Variants in RBBP5 observed in about 807,000 individuals in gnomAD.
RBBP5 encodes retinoblastoma-binding protein 5.
Under a neutral mutation model 72.2 loss-of-function variants are expected in RBBP5, and 5 were observed. That is an observed-to-expected ratio of 0.07 (90% confidence interval 0.04 to 0.15). The LOEUF is 0.15. RBBP5 is among the 10% of genes least tolerant of loss of function. The pLI, the probability that RBBP5 is intolerant of heterozygous loss-of-function variation, is 1.00. For synonymous variants in RBBP5, 209 were observed against 237.2 expected (o/e 0.88, Z 1.09); for missense variants, 322 against 652.2 (o/e 0.49, Z 5.51).
chr1:205,114,496 C>G (rs1656446143), intron 3 of RBBP5, among the ~76,000 whole-genome samples: 1 of 152,098 alleles, frequency 6.6e-6, no homozygotes, highest in Admixed American at 6.6e-5. Flanking sequence ...ACTTTTTATT[C>G]TAAATGAAAA....
chr1:205,092,606 C>T (rs1023391475), intron 13 of RBBP5, among the ~76,000 whole-genome samples: 4 of 152,074 alleles, frequency 2.6e-5, no homozygotes, highest in East Asian at 1.9e-4. Flanking sequence ...TGCACCACCA[C>T]GCCTGGCTAA....
At chr1:205,107,729 T>G (rs1459439694) in intron 3 of RBBP5, among the ~76,000 whole-genome samples, 1 of 151,710 alleles carries the variant, frequency 6.6e-6, no homozygotes, top group African/African-American at 2.4e-5. Context: ...GTGGATCACC[T>G]GAGGTTGGCA....
chr1:205,095,147 T>C lies in RBBP5; in HGVS notation c.1397-83A>G, dbSNP rs1019159755. On this transcript the variant is annotated intron_variant, in intron 12 of 13. Coordinates refer to ENST00000264515, the MANE Select transcript of RBBP5 (RefSeq NM_005057.4). ...CCACAACTTTGTTGAGCAAAGAATG[T>C]TGCTTTGTGTCCCAGATCAATTAAT... The C allele has an allele frequency of 4.6e-6, 6 of 1,294,570 alleles. No individual in the cohort carries two copies. In the Admixed American group the frequency reaches 1.3e-4, roughly 27 times the overall value. 80.2% of individuals were successfully genotyped at this position (1,294,570 alleles called of 1,614,324 possible).
chr1:205,105,240 A>T (rs1656008444), intron 3 of RBBP5, 72 bp from the exon 4 acceptor site: 2 of 1,522,670 alleles, frequency 1.3e-6, no homozygotes, highest in Non-Finnish European at 1.8e-6. Context: ...TAAACTGTGT[A>T]AGTCACACAC....
At chr1:205,111,449 G>T (rs181499365) in intron 3 of RBBP5, among the ~76,000 whole-genome samples, 1 of 152,274 alleles carries the variant, frequency 6.6e-6, no homozygotes, top group African/African-American at 2.4e-5. Context: ...TAGGAGACAT[G>T]CAACCATAAT....
At chr1:205,091,169 T>C (rs1402490661) in intron 13 of RBBP5, 3 of 152,264 alleles carry the variant, frequency 2.0e-5, no homozygotes, top group African/African-American at 7.2e-5. Context: ...TTAGAACGTG[T>C]ATGTAACCGA....
chr1:205,121,328 A>C (rs1409452090), intron 1 of RBBP5, among the ~76,000 whole-genome samples: 2 of 152,210 alleles, frequency 1.3e-5, no homozygotes, highest in African/African-American at 2.4e-5. Context: ...AAGTTAGGAT[A>C]ATTGGATTCC....
intron 13 of RBBP5, among the ~76,000 whole-genome samples, chr1:205,089,056 GA>G (rs1655237014): frequency 6.6e-6 from 1 of 152,170 alleles, no homozygotes; most frequent in African/African-American, 2.4e-5. Flanking sequence ...AGGGTTGGGG[GA>G]AAAGCAAAAT....
intron 3 of RBBP5, among the ~76,000 whole-genome samples, chr1:205,108,851 C>T (rs1213698059): frequency 1.3e-5 from 2 of 152,136 alleles, no homozygotes; most frequent in Non-Finnish European, 2.9e-5. Flanking sequence ...AAAACGGTAT[C>T]GACCTGCAGA....
At chr1:205,107,024 A>G (rs1574706782) in intron 3 of RBBP5, among the ~76,000 whole-genome samples, 2 of 151,730 alleles carry the variant, frequency 1.3e-5, no homozygotes, top group East Asian at 1.9e-4. Context: ...ATATATATAT[A>G]TGTGTCTGTG....
chr1:205,115,909 A>G, intron 1 of RBBP5, 26 bp from the exon 2 acceptor site: 1 of 1,613,768 alleles, frequency 6.2e-7, no homozygotes, highest in Non-Finnish European at 8.5e-7. Flanking sequence ...GAAAGAGTTG[A>G]TGGCACATGT....
intron 12 of RBBP5, among the ~76,000 whole-genome samples, chr1:205,096,088 G>A (rs1655604176): frequency 6.6e-6 from 1 of 152,112 alleles, no homozygotes; most frequent in Non-Finnish European, 1.5e-5. Context: ...AGCTACTCGG[G>A]AGGCTGAGGC....
intron 2 of RBBP5, among the ~76,000 whole-genome samples, chr1:205,115,540 C>T (rs1057277738): frequency 6.6e-6 from 1 of 152,120 alleles, no homozygotes; most frequent in African/African-American, 2.4e-5. Flanking sequence ...TGCTTTACTA[C>T]ATAAAAACAT....
chr1:205,119,103 T>C (rs1437972530), intron 1 of RBBP5, among the ~76,000 whole-genome samples: 1 of 152,100 alleles, frequency 6.6e-6, no homozygotes, highest in East Asian at 1.9e-4. Context: ...TGCTAAATAT[T>C]CCTTCCTGGC....
chr1:205,090,134 G>C (rs900964542), intron 13 of RBBP5, among the ~76,000 whole-genome samples: 1 of 152,188 alleles, frequency 6.6e-6, no homozygotes, highest in African/African-American at 2.4e-5. Context: ...GATTACAAGC[G>C]TGAGCCACTG....
chr1:205,089,485 AAAGAG>A (rs1268630887), intron 13 of RBBP5, among the ~76,000 whole-genome samples: 3 of 152,240 alleles, frequency 2.0e-5, no homozygotes, highest in Non-Finnish European at 4.4e-5. Flanking sequence ...GGAAGTGTAA[AAAGAG>A]AAGAAGGTGA....
chr1:205,116,346 A>G (rs1243864608), intron 1 of RBBP5: 2 of 378,852 alleles, frequency 5.3e-6, no homozygotes, highest in Non-Finnish European at 1.1e-5. Flanking sequence ...ATTGGTAAAC[A>G]CTGGTAGGTA....
chr1:205,090,893 AAAAC>A (rs893193954), intron 13 of RBBP5, among the ~76,000 whole-genome samples: 2 of 152,180 alleles, frequency 1.3e-5, no homozygotes, highest in African/African-American at 2.4e-5. Flanking sequence ...AGGGGAGAGA[AAAAC>A]AAAGAGAGAA....
intron 13 of RBBP5, among the ~76,000 whole-genome samples, chr1:205,093,507 T>C (rs866280007): frequency 2.6e-4 from 1 of 3,774 alleles, no homozygotes; most frequent in African/African-American, 7.1e-4. Flanking sequence ...TATATATATA[T>C]ATATATATAT....
Sources: gnomAD v4.1 joint callset for allele counts (sites outside exome capture counted in the v4.1 genomes callset) on GRCh38, gnomAD v4.1.1 for gene constraint, MANE v1.5 for transcripts, NCBI Gene and HGNC (gene_info 2026-07-23, HGNC 2026-07-21) for gene names.